The following MTSS1 variants were observed in gnomAD, a reference collection of about 807,000 sequenced individuals.
MTSS1 encodes the protein protein MTSS 1.
MTSS1 carries 18 observed loss-of-function variants against 79.0 expected under a neutral mutation model. The observed-to-expected ratio is 0.23, with a 90% CI of 0.16 to 0.34. The LOEUF (loss-of-function observed/expected upper bound fraction) is 0.34. MTSS1 is among the 10% of genes least tolerant of loss of function. The probability of loss-of-function intolerance (pLI) is 1.00; values close to 1 mark genes in which losing one functional copy is unlikely to be tolerated. For missense variants in MTSS1, 815 were observed against 986.2 expected, an observed-to-expected ratio of 0.83 and a Z score of 2.33; for synonymous variants, 341 against 368.6, an observed-to-expected ratio of 0.93 and a Z score of 0.86.
intron 3 of MTSS1, among the ~76,000 whole-genome samples, chr8:124,673,008 C>T (rs935519241): frequency 6.6e-6 from 1 of 152,116 alleles, no homozygotes; most frequent in Non-Finnish European, 1.5e-5. Context: ...CTGAATCTTG[C>T]AAGCCATGAG....
intron 3 of MTSS1, among the ~76,000 whole-genome samples, chr8:124,614,176 A>AG: frequency 6.6e-6 from 1 of 151,900 alleles, no homozygotes; most frequent in East Asian, 1.9e-4. Flanking sequence ...AAAAAAAAAA[A>AG]AAAAAAAAGG....
intron 3 of MTSS1, among the ~76,000 whole-genome samples, chr8:124,675,542 A>C (rs1825125655): frequency 6.6e-6 from 1 of 152,240 alleles, no homozygotes; most frequent in South Asian, 2.1e-4. Flanking sequence ...GAAGTGAACG[A>C]TTCAGAAGCG....
chr8:124,717,937 A>G (rs913301000), intron 1 of MTSS1, among the ~76,000 whole-genome samples: 4 of 152,158 alleles, frequency 2.6e-5, no homozygotes, highest in African/African-American at 7.2e-5. Context: ...GACCAAATGA[A>G]TTAATTAGAG....
chr8:124,655,779 G>A (rs747388720), intron 3 of MTSS1, among the ~76,000 whole-genome samples: 16 of 152,220 alleles, frequency 1.1e-4, no homozygotes, highest in Admixed American at 7.2e-4. Context: ...GTGGGAGAAA[G>A]GGTAGCATCT....
intron 3 of MTSS1, among the ~76,000 whole-genome samples, chr8:124,649,276 G>A (rs1819538434): frequency 6.6e-6 from 1 of 152,188 alleles, no homozygotes; most frequent in South Asian, 2.1e-4. Context: ...CTAAAATATT[G>A]ACTGTGTGGC....
chr8:124,567,859 T>A, intron 7 of MTSS1: 1 of 1,473,102 alleles, frequency 6.8e-7, no homozygotes, highest in Non-Finnish European at 9.0e-7. Flanking sequence ...ACGCCTGCAG[T>A]GCAAGTTCTC....
intron 2 of MTSS1, among the ~76,000 whole-genome samples, chr8:124,701,821 G>A (rs113546470): frequency 0.037 from 5,585 of 152,306 alleles, 143 homozygotes; most frequent in Non-Finnish European, 0.056. Context: ...CAGAAACACA[G>A]AGGAGTGATT....
At chr8:124,565,857 G>A (rs896458799) in intron 8 of MTSS1, 98 bp from the exon 9 acceptor site, 26 of 1,002,240 alleles carry the variant, frequency 2.6e-5, no homozygotes, top group East Asian at 2.3e-4. Context: ...CGCTGCCATC[G>A]TGGGGGTGGG....
At chr8:124,567,203 T>C in intron 7 of MTSS1, 25 bp from the exon 8 acceptor site, 2 of 1,514,562 alleles carry the variant, frequency 1.3e-6, no homozygotes, top group Non-Finnish European at 1.8e-6. Flanking sequence ...ATTCATGAAA[T>C]GTTATTATCA....
rs1056099446 is a variant in MTSS1, at chr8:124,552,701, A to G, written c.*291T>C. On this transcript the variant is annotated 3_prime_UTR_variant, in exon 14 of 14. Coordinates refer to ENST00000518547, the MANE Select transcript of MTSS1 (RefSeq NM_014751.6). ...TTTATGCATTTAAAATTTTACAAAGACTTGTAAAAAAGTTAAATGGAATTT... is the reference window on the plus strand; with the variant it reads ...TTTATGCATTTAAAATTTTACAAAGGCTTGTAAAAAAGTTAAATGGAATTT... 1 of 368,460 alleles carries G rather than the reference A, an allele frequency of 2.7e-6. No homozygotes were observed. 22.8% of individuals were successfully genotyped at this position (368,460 alleles called of 1,614,324 possible).
intron 3 of MTSS1, among the ~76,000 whole-genome samples, chr8:124,671,756 G>C (rs1824261508): frequency 1.3e-5 from 2 of 152,160 alleles, no homozygotes; most frequent in South Asian, 4.1e-4. Flanking sequence ...TATAAGAGGT[G>C]TCTTCATTAA....
chr8:124,697,291 G>A (rs1436754207), intron 3 of MTSS1, among the ~76,000 whole-genome samples: 1 of 151,880 alleles, frequency 6.6e-6, no homozygotes, highest in African/African-American at 2.4e-5. Context: ...CAGGCACGGT[G>A]GCTCACGCCT....
At position 124,582,663 on chromosome 8, in the gene MTSS1, C is replaced by A. The variant is rs1830249978; in HGVS notation, c.460+2424G>T. ...TCCAAAACCTTCATCCATCCGAACG[C>A]GTGGTGCGTCAGAAGGAACTGCTAA... On this transcript the variant is annotated intron_variant, in intron 6 of 13. Coordinates refer to ENST00000518547, the MANE Select transcript of MTSS1 (RefSeq NM_014751.6). This position sits in a 1 kb window ranked among gnomAD's most constrained non-coding sequence, Gnocchi z 4.8. 6.6e-6 allele frequency among the ~76,000 whole-genome samples: 1 copy of A among 152,182 alleles called. No individual in the cohort carries two copies. Among genetic ancestry groups the A allele is most frequent in the Non-Finnish European group, 1.5e-5 (1 of 68,046 alleles).
intron 3 of MTSS1, among the ~76,000 whole-genome samples, chr8:124,628,297 C>T (rs1270140034): frequency 6.6e-6 from 1 of 152,196 alleles, no homozygotes; most frequent in African/African-American, 2.4e-5. Flanking sequence ...AGCTCCAAGA[C>T]ATCAGCCGCG....
chr8:124,727,977 A>T lies in MTSS1; in HGVS notation c.-22T>A. ...CCATTTTCCCGGCTCCGGCAGGGCG[A>T]GGGCACACACGCGGGGCCGCTGGAC... On this transcript the variant is annotated 5_prime_UTR_variant, in exon 1 of 14. Coordinates refer to ENST00000518547, the MANE Select transcript of MTSS1 (RefSeq NM_014751.6). This position sits in a 1 kb window ranked among gnomAD's most constrained non-coding sequence, Gnocchi z 4.7. 1 of 1,605,732 alleles carries T rather than the reference A, an allele frequency of 6.2e-7. No individual in the cohort carries two copies. The highest frequency in any genetic ancestry group is 8.5e-7 in the Non-Finnish European group (1 of 1,176,520).
chr8:124,633,652 C>A (rs1474457150), intron 3 of MTSS1, among the ~76,000 whole-genome samples: 1 of 152,024 alleles, frequency 6.6e-6, no homozygotes, highest in African/African-American at 2.4e-5. Flanking sequence ...CGCCTGTAAT[C>A]CCAGCTACTC....
chr8:124,612,688 T>G (rs1836104007), intron 3 of MTSS1, among the ~76,000 whole-genome samples: 1 of 148,138 alleles, frequency 6.8e-6, no homozygotes. Flanking sequence ...CAAGTGAACC[T>G]AACGGCAGGG....
chr8:124,715,393 T>C (rs1364107749), intron 1 of MTSS1, among the ~76,000 whole-genome samples: 1 of 152,204 alleles, frequency 6.6e-6, no homozygotes, highest in Non-Finnish European at 1.5e-5. Flanking sequence ...TTTTCCTTAC[T>C]TTTTTTAATC....
intron 3 of MTSS1, among the ~76,000 whole-genome samples, chr8:124,606,749 C>T (rs2133167020): frequency 6.6e-6 from 1 of 152,202 alleles, no homozygotes; most frequent in African/African-American, 2.4e-5. Context: ...CGTGCTGTCG[C>T]CACTTCCTCG....
Sources: gnomAD v4.1 joint callset for allele counts (sites outside exome capture counted in the v4.1 genomes callset) on GRCh38, gnomAD v4.1.1 for gene constraint, Gnocchi (gnomAD v3.1) non-coding constraint, MANE v1.5 for transcripts, NCBI Gene and HGNC (gene_info 2026-07-23, HGNC 2026-07-21) for gene names.